The following LRP1B variants were observed in gnomAD, a reference collection of about 807,000 sequenced individuals.
The protein encoded by LRP1B is LDL receptor related protein 1B.
In LRP1B, 217 loss-of-function variants were observed where a neutral mutation model predicts 556.6. The observed-to-expected ratio is 0.39, with a 90% CI of 0.35 to 0.44. The LOEUF is 0.44. Ranked by LOEUF, LRP1B falls within the 20% of genes least tolerant of loss-of-function variation. The probability of loss-of-function intolerance (pLI) is 1.00; values close to 1 mark genes in which losing one functional copy is unlikely to be tolerated. For synonymous variants in LRP1B, 2,047 were observed against 1,865.8 expected, an observed-to-expected ratio of 1.10 and a Z score of -2.50; for missense variants, 5,053 against 5,620.8, an observed-to-expected ratio of 0.90 and a Z score of 3.23.
Position 140,922,978 on chromosome 2 carries a change from G to A in LRP1B, c.3306C>T (p.Ser1102=), listed in dbSNP as rs2105258198. 1 of 1,612,150 alleles carries A rather than the reference G, an allele frequency of 6.2e-7. No homozygotes were observed. Among genetic ancestry groups the A allele is most frequent in the Non-Finnish European group, 8.5e-7 (1 of 1,178,900 alleles). The change falls in exon 21 of 91, where the codon TCC becomes TCT. Residue 1102 remains serine, a synonymous_variant. Coordinates refer to ENST00000389484, the MANE Select transcript of LRP1B (RefSeq NM_018557.3). The part of the protein sequence containing the change: ...IRLCDHKTKF[S]CWSTGRCINK... Reference sequence around the variant, plus strand: ...ATGTTCACTTACCTGTACTCCAACAGGAAAACTTGGTTTTGTGGTCACACA... The same window carrying A: ...ATGTTCACTTACCTGTACTCCAACAAGAAAACTTGGTTTTGTGGTCACACA...
At chr2:140,379,059 C>T (rs573118113) in intron 67 of LRP1B, among the ~76,000 whole-genome samples, 4 of 152,276 alleles carry the variant, frequency 2.6e-5, no homozygotes, top group East Asian at 3.9e-4. Context: ...TTCAGAAATT[C>T]GTTCATGCAA....
intron 1 of LRP1B, among the ~76,000 whole-genome samples, chr2:141,886,460 C>T (rs1272056559): frequency 6.6e-6 from 1 of 152,152 alleles, no homozygotes; most frequent in African/African-American, 2.4e-5. Flanking sequence ...ATAGGAGACA[C>T]TCCCTATATA....
intron 7 of LRP1B, among the ~76,000 whole-genome samples, chr2:141,120,836 G>C (rs1360684992): frequency 6.6e-6 from 1 of 151,920 alleles, no homozygotes; most frequent in Non-Finnish European, 1.5e-5. Context: ...TGAAACAAGT[G>C]GTTACAGTCA....
intron 5 of LRP1B, among the ~76,000 whole-genome samples, chr2:141,245,358 G>A (rs1684028472): frequency 6.6e-6 from 1 of 152,092 alleles, no homozygotes; most frequent in South Asian, 2.1e-4. Context: ...CACTATCTCT[G>A]GGAAATCATT....
At chr2:141,112,019 C>A (rs1700765577) in intron 7 of LRP1B, among the ~76,000 whole-genome samples, 1 of 151,020 alleles carries the variant, frequency 6.6e-6, no homozygotes, top group Non-Finnish European at 1.5e-5. Context: ...GCACTCCAGC[C>A]TGGGCAACAG....
Position 140,444,370 on chromosome 2 carries a change from C to T in LRP1B, c.10254G>A (p.Gly3418=), listed in dbSNP as rs777513301. The change falls in exon 65 of 91, where the codon GGG becomes GGA. Residue 3418 remains glycine, a synonymous_variant. Coordinates refer to ENST00000389484, the MANE Select transcript of LRP1B (RefSeq NM_018557.3). ...KCIPVNLRCN[G]QDDCGDEEDE... is the part of the protein sequence containing the mutation. ...CTTCCTCATCACCACAGTCATCTTG[C>T]CCATTACATCTTAAGTTTACTGGGA... The T allele has an allele frequency of 8.7e-6, 14 of 1,613,890 alleles. No individual in the cohort carries two copies. The highest frequency in any genetic ancestry group is 1.1e-5 in the Non-Finnish European group (13 of 1,179,856).
chr2:141,638,465 C>A (rs13024160), intron 2 of LRP1B, among the ~76,000 whole-genome samples: 53,859 of 137,698 alleles, frequency 0.39, 11,245 homozygotes, highest in Non-Finnish European at 0.47. Flanking sequence ...CAGTATCCAT[C>A]AATGGCACTG....
chr2:141,377,286 T>C (rs1487707377), intron 3 of LRP1B, among the ~76,000 whole-genome samples: 1 of 152,184 alleles, frequency 6.6e-6, no homozygotes, highest in Admixed American at 6.5e-5. Context: ...TGTGTATATT[T>C]TACAAATATG....
At chr2:141,390,652 A>C (rs1215114805) in intron 3 of LRP1B, among the ~76,000 whole-genome samples, 1 of 152,236 alleles carries the variant, frequency 6.6e-6, no homozygotes, top group African/African-American at 2.4e-5. Flanking sequence ...TCTCAAAAAC[A>C]TTATGCTAAG....
chr2:142,058,283 C>A (rs564555050), intron 1 of LRP1B, among the ~76,000 whole-genome samples: 3 of 152,020 alleles, frequency 2.0e-5, no homozygotes, highest in Non-Finnish European at 2.9e-5. Context: ...TGGTATATAC[C>A]ATGATATAAC....
intron 1 of LRP1B, among the ~76,000 whole-genome samples, chr2:141,899,482 C>T (rs986197197): frequency 1.3e-5 from 2 of 152,062 alleles, no homozygotes; most frequent in African/African-American, 2.4e-5. Flanking sequence ...TAAATGAGAG[C>T]AGAGCATGCG....
chr2:140,535,584 T>C (rs1690915506), intron 46 of LRP1B, among the ~76,000 whole-genome samples: 1 of 152,126 alleles, frequency 6.6e-6, no homozygotes, highest in Non-Finnish European at 1.5e-5. Context: ...GAAAAGCAGA[T>C]ATAAAATGAG....
At chr2:140,442,716 T>A (rs1686485300) in intron 65 of LRP1B, 93 bp from the exon 66 acceptor site, 2 of 1,256,852 alleles carry the variant, frequency 1.6e-6, no homozygotes, top group African/African-American at 1.5e-5. Context: ...AGACAGTTTA[T>A]CGAAAAATGT....
chr2:140,957,964 T>G (rs912389909), intron 18 of LRP1B, among the ~76,000 whole-genome samples: 1 of 151,460 alleles, frequency 6.6e-6, no homozygotes, highest in Non-Finnish European at 1.5e-5. Flanking sequence ...CTATAATCAG[T>G]CACGAGCTCT....
chr2:140,502,402 A>G (rs1689237918), intron 54 of LRP1B, among the ~76,000 whole-genome samples: 1 of 152,054 alleles, frequency 6.6e-6, no homozygotes, highest in Non-Finnish European at 1.5e-5. Flanking sequence ...TGACTTGAAC[A>G]ATACTCACCA....
chr2:140,638,764 C>T (rs1684166170), intron 41 of LRP1B, among the ~76,000 whole-genome samples: 2 of 151,310 alleles, frequency 1.3e-5, no homozygotes, highest in Admixed American at 6.6e-5. Flanking sequence ...AGTATATACA[C>T]ACACACACAT....
At chr2:141,073,213 T>G (rs867702229) in intron 7 of LRP1B, among the ~76,000 whole-genome samples, 1 of 152,124 alleles carries the variant, frequency 6.6e-6, no homozygotes, top group Admixed American at 6.6e-5. Flanking sequence ...CAATGATACA[T>G]CATCCAAATT....
chr2:141,712,779 C>T (rs1384721430), intron 2 of LRP1B, among the ~76,000 whole-genome samples: 1 of 151,688 alleles, frequency 6.6e-6, no homozygotes, highest in Non-Finnish European at 1.5e-5. Flanking sequence ...AACTGAATCT[C>T]CTGCCTCAGC....
intron 1 of LRP1B, among the ~76,000 whole-genome samples, chr2:142,038,601 G>A (rs1703964932): frequency 6.6e-6 from 1 of 151,464 alleles, no homozygotes; most frequent in Non-Finnish European, 1.5e-5. Context: ...TGGGAGGGGT[G>A]GTTCTTAGGG....
Sources: allele counts gnomAD v4.1 joint callset (sites outside exome capture counted in the v4.1 genomes callset), GRCh38; gene constraint gnomAD v4.1.1; transcripts MANE v1.5; gene names NCBI Gene and HGNC (gene_info 2026-07-23, HGNC 2026-07-21).